CYP11B1: variants seen among roughly 807,000 people sequenced by gnomAD.
The protein encoded by CYP11B1 is cytochrome P450 11B1, mitochondrial.
Under a neutral mutation model 48.3 loss-of-function variants are expected in CYP11B1, and 34 were observed. The observed-to-expected ratio is 0.70, with a 90% CI of 0.54 to 0.94. CYP11B1 has a LOEUF of 0.94. Ranked by LOEUF, CYP11B1 falls within the 40% of genes least tolerant of loss-of-function variation. The probability of loss-of-function intolerance (pLI) is 0.00; values close to 1 mark genes in which losing one functional copy is unlikely to be tolerated. For missense variants in CYP11B1, 688 were observed against 657.4 expected, an observed-to-expected ratio of 1.05 and a Z score of -0.51; for synonymous variants, 291 against 262.5, an observed-to-expected ratio of 1.11 and a Z score of -1.05.
rs779683675 is a variant in CYP11B1, at chr8:142,874,356, T to C, written c.*17A>G. The C allele has an allele frequency of 6.3e-7, 1 of 1,583,756 alleles. No homozygotes were observed. The highest frequency in any genetic ancestry group is 8.7e-7 in the Non-Finnish European group (1 of 1,152,370). The stretch of plus-strand genomic sequence containing the variant: ...GAGGCTGGTGGCCAGGCTGGGACCC[T>C]GGGTGCAGAGACGTGATTAGTTGAT... On this transcript the variant is annotated 3_prime_UTR_variant, in exon 9 of 9. Coordinates refer to ENST00000292427, the MANE Select transcript of CYP11B1 (RefSeq NM_000497.4).
chr8:142,879,547 T>A (rs1817079300), intron 1 of CYP11B1, 28 bp downstream of exon 1: 6 of 1,614,080 alleles, frequency 3.7e-6, no homozygotes, highest in Non-Finnish European at 5.1e-6. Flanking sequence ...CTCTGGGTGT[T>A]CCCAGCGAGG....
chr8:142,876,621 G>A, intron 4 of CYP11B1, 61 bp downstream of exon 4: 1 of 1,571,450 alleles, frequency 6.4e-7, no homozygotes, highest in Non-Finnish European at 8.6e-7. Context: ...TGGTGGAGAG[G>A]GAGAAATTGG....
Position 142,874,351 on chromosome 8 carries a change from G to A in CYP11B1, c.*22C>T. Reference sequence around the variant, plus strand: ...AAAGGGAGGCTGGTGGCCAGGCTGGGACCCTGGGTGCAGAGACGTGATTAG... The same window carrying A: ...AAAGGGAGGCTGGTGGCCAGGCTGGAACCCTGGGTGCAGAGACGTGATTAG... On this transcript the variant is annotated 3_prime_UTR_variant, in exon 9 of 9. Coordinates refer to ENST00000292427, the MANE Select transcript of CYP11B1 (RefSeq NM_000497.4). 1 of 1,550,860 alleles carries A rather than the reference G, an allele frequency of 6.4e-7. No homozygotes were observed. The highest frequency in any genetic ancestry group is 1.1e-5 in the South Asian group (1 of 89,744).
In CYP11B1 at chr8:142,879,672, T is replaced by G. The variant is rs749188499; in HGVS notation, c.142A>C (p.Arg48=). 2 of 1,614,240 alleles carry G rather than the reference T, an allele frequency of 1.2e-6. No homozygotes were observed. The highest frequency in any genetic ancestry group is 1.7e-6 in the Non-Finnish European group (2 of 1,180,042). ...CAGATCTGCAGCAGCCTCAGCCACC[T>G]GTTGCCTGGACGCCGGGGCATGGCT... ...FEAMPRRPGN[R]WLRLLQIWRE... The change falls in exon 1 of 9, where the codon AGG becomes CGG. Residue 48 remains arginine (R), a synonymous_variant. Transcript: ENST00000292427.
intron 8 of CYP11B1, 71 bp from the exon 9 acceptor site, chr8:142,874,557 C>G: frequency 9.5e-7 from 1 of 1,051,404 alleles, no homozygotes; most frequent in Non-Finnish European, 1.5e-6. Context: ...TTCTCAGACC[C>G]TCAAAGTTGC....
chr8:142,874,941 G>T lies in CYP11B1; in HGVS notation c.1398+16C>A, dbSNP rs756568204. 2 of 1,611,968 alleles carry T rather than the reference G, an allele frequency of 1.2e-6. No individual in the cohort carries two copies. The highest frequency in any genetic ancestry group is 2.7e-5 in the African/African-American group (2 of 74,880). Reference sequence around the variant, plus strand: ...CAGACCCCGCCCAGGCCCCTCCCCAGCCCGGGCCTGCTCACATGGTGCAGC... The same window carrying T: ...CAGACCCCGCCCAGGCCCCTCCCCATCCCGGGCCTGCTCACATGGTGCAGC... On this transcript the variant is annotated intron_variant, in intron 8 of 8. Transcript: ENST00000292427.
chr8:142,876,138 G>T, intron 5 of CYP11B1, 103 bp downstream of exon 5: 1 of 1,493,402 alleles, frequency 6.7e-7, no homozygotes, highest in Middle Eastern at 1.8e-4. Context: ...GGGGCCCATA[G>T]CCTGGGGATG....
intron 2 of CYP11B1, among the ~76,000 whole-genome samples, chr8:142,878,654 C>T (rs939639019): frequency 6.6e-6 from 1 of 152,240 alleles, no homozygotes; most frequent in Non-Finnish European, 1.5e-5. Flanking sequence ...AGGCTCAGTA[C>T]TCAGCCTGTG....
Position 142,876,846 on chromosome 8 carries a change from A to T in CYP11B1, c.635T>A (p.Val212Asp). 1.9e-6 allele frequency: 3 copies of T among 1,614,018 alleles called. No homozygotes were observed. The highest frequency in any genetic ancestry group is 2.5e-6 in the Non-Finnish European group (3 of 1,179,998). Reference sequence around the variant, plus strand: ...GCTGGCAGAACTGGGGCTGTGGCCAACCAGGCCCAGCCGCTCTCCAAAAAG... The same window carrying T: ...GCTGGCAGAACTGGGGCTGTGGCCATCCAGGCCCAGCCGCTCTCCAAAAAG... ...LALFGERLGL[V>D]GHSPSSASLN... Residue 212 changes from valine (V) to aspartate (D), a missense_variant, in exon 4 of 9, where the codon GTT becomes GAT. Physicochemically the swap from Val to Asp is radical, Grantham distance 152. Transcript: ENST00000292427.
Position 142,874,165 on chromosome 8 carries a change from A to G in CYP11B1, c.*208T>C, listed in dbSNP as rs5298. On this transcript the variant is annotated 3_prime_UTR_variant, in exon 9 of 9. Coordinates refer to ENST00000292427, the MANE Select transcript of CYP11B1 (RefSeq NM_000497.4). ...AGGTGGGGCTGGGGACAAGGTCAGC[A>G]AGATCTTCCCCAGCTGTGCCCTGGC... 3.3e-6 allele frequency: 2 copies of G among 612,988 alleles called. No homozygotes were observed. The highest frequency in any genetic ancestry group is 1.8e-5 in the African/African-American group (1 of 54,522). The allele number at this position is 612,988 out of a possible 1,614,324, so 38.0% of individuals were successfully genotyped here.
In CYP11B1 at chr8:142,878,888, A is replaced by G. The variant is rs563408412; in HGVS notation, c.395+144T>C. Reference sequence around the variant, plus strand: ...CCACAGGGCAGACACGACCCCACGGAATGGCCGTCCTCTGGGTCGGGTGCT... The same window carrying G: ...CCACAGGGCAGACACGACCCCACGGGATGGCCGTCCTCTGGGTCGGGTGCT... On this transcript the variant is annotated intron_variant, in intron 2 of 8. Coordinates refer to ENST00000292427, the MANE Select transcript of CYP11B1 (RefSeq NM_000497.4). 1,317 of 1,273,852 alleles carry G rather than the reference A, an allele frequency of 1.0e-3. 10 individuals are homozygous for G. The African/African-American group carries it at 0.016, about 15-fold the overall frequency. 78.9% of individuals were successfully genotyped at this position (1,273,852 alleles called of 1,614,324 possible).
chr8:142,878,878 G>A (rs181100794), intron 2 of CYP11B1, among the ~76,000 whole-genome samples, 154 bp downstream of exon 2: 153 of 152,186 alleles, frequency 1.0e-3, no homozygotes, highest in African/African-American at 3.5e-3. Context: ...GGGCAGACAC[G>A]ACCCCACGGA....
rs771371523 is a variant in CYP11B1 at position 142,874,455 on chromosome 8, G to T, written c.1430C>A (p.Thr477Asn). 2 of 1,613,990 alleles carry T rather than the reference G, an allele frequency of 1.2e-6. No individual in the cohort carries two copies. The highest frequency in any genetic ancestry group is 1.7e-6 in the Non-Finnish European group (2 of 1,179,856). ...VLKHLQVETL[T>N]QEDIKMVYSF... is the part of the protein sequence containing the mutation. The stretch of plus-strand genomic sequence containing the variant: ...GTAGACCATCTTTATGTCCTCTTGG[G>T]TTAGTGTCTCCACCTGGAGGTGTTT... The change falls in exon 9 of 9, where the codon ACC becomes AAC. Residue 477 changes from threonine (T) to asparagine (N), a missense_variant. By Grantham distance (65) the Thr-to-Asn change is moderately conservative (BLOSUM62 0). Coordinates refer to ENST00000292427, the MANE Select transcript of CYP11B1 (RefSeq NM_000497.4).
At position 142,876,323 on chromosome 8, in the gene CYP11B1, G is replaced by T; in HGVS notation, c.872C>A (p.Ala291Glu). ...CAGTTCCGCATTCAACAGGAGCTCC[G>T]CCACGATGCTGGTGTACTGTTGAGG... ...SRPQQYTSIV[A>E]ELLLNAELSP... is the part of the protein sequence containing the mutation. Residue 291 changes from alanine to glutamate, a missense_variant, in exon 5 of 9, where the codon GCG becomes GAG. Coordinates refer to ENST00000292427, the MANE Select transcript of CYP11B1 (RefSeq NM_000497.4). The T allele has an allele frequency of 1.9e-6, 3 of 1,614,190 alleles. No individual in the cohort carries two copies. Among genetic ancestry groups the T allele is most frequent in the Non-Finnish European group, 2.5e-6 (3 of 1,180,028 alleles).
rs192085193 is a variant in CYP11B1 at position 142,878,869 on chromosome 8, G to T, written c.395+163C>A. On this transcript the variant is annotated intron_variant, in intron 2 of 8. Transcript: ENST00000292427. ...ACCGCCCTGCTTCCCCAACCCACAG[G>T]GCAGACACGACCCCACGGAATGGCC... Among the ~76,000 whole-genome samples the T allele has an allele frequency of 5.2e-3, 789 of 152,078 alleles. 3 individuals are homozygous for T. The highest frequency in any genetic ancestry group is 0.015 in the African/African-American group (606 of 41,496).
In CYP11B1 at chr8:142,876,892, G is replaced by A. The variant is rs752062235; in HGVS notation, c.596-7C>T. 1 of 1,614,138 alleles carries A rather than the reference G, an allele frequency of 6.2e-7. No homozygotes were observed. Among genetic ancestry groups the A allele is most frequent in the South Asian group, 1.1e-5 (1 of 91,074 alleles). On this transcript the variant is annotated splice_region_variant and splice_polypyrimidine_tract_variant and intron_variant, in intron 3 of 8. Coordinates refer to ENST00000292427, the MANE Select transcript of CYP11B1 (RefSeq NM_000497.4). ...AAAAGAGCCAAGTTGCTGGCTGCGG[G>A]GAGGATGCACTGCTGAGCACAAGGC... is the stretch of plus-strand genomic sequence containing the variant.
At chr8:142,879,010 C>T in intron 2 of CYP11B1, 22 bp downstream of exon 2, 1 of 1,613,828 alleles carries the variant, frequency 6.2e-7, no homozygotes, top group Non-Finnish European at 8.5e-7. Flanking sequence ...ACCCTGCTCC[C>T]AGCTCTCAGC....
Position 142,877,117 on chromosome 8 carries a change from G to C in CYP11B1, c.501C>G (p.Asp167Glu). The C allele has an allele frequency of 6.2e-7, 1 of 1,614,070 alleles. No homozygotes were observed. Residue 167 changes from aspartate (D) to glutamate (E), a missense_variant, in exon 3 of 9, where the codon GAC becomes GAG. Coordinates refer to ENST00000292427, the MANE Select transcript of CYP11B1 (RefSeq NM_000497.4). ...FLPMVDAVAR[D>E]FSQALKKKVL... ...CCTTCTTCTTCAGGGCCTGGGAGAA[G>C]TCCCTGGCCACTGCATCCACCATCG...
At chr8:142,877,293 C>T (rs1357049190) in intron 2 of CYP11B1, 71 bp from the exon 3 acceptor site, 2 of 1,420,132 alleles carry the variant, frequency 1.4e-6, no homozygotes, top group Non-Finnish European at 1.9e-6. Flanking sequence ...ATCCCATCCT[C>T]CTTGTCCCCA....
Sources: gnomAD v4.1 joint callset for allele counts (sites outside exome capture counted in the v4.1 genomes callset) on GRCh38, gnomAD v4.1.1 for gene constraint, MANE v1.5 for transcripts, NCBI Gene and HGNC (gene_info 2026-07-23, HGNC 2026-07-21) for gene names.